The following C4orf50 variants were observed in gnomAD, a reference collection of about 807,000 sequenced individuals.
The protein encoded by C4orf50 is chromosome 4 open reading frame 50, also known as uncharacterized protein C4orf50.
A neutral mutation model predicts 77.2 loss-of-function variants in C4orf50; 80 were observed. The observed-to-expected ratio is 1.04, with a 90% CI of 0.87 to 1.25. The LOEUF is 1.25. Among genes scored for constraint, C4orf50 ranks in the 50% most tolerant of loss-of-function variants. The pLI is 0.00. For missense variants in C4orf50, 1,257 were observed against 1,152.9 expected (o/e 1.09, Z -1.31); for synonymous variants, 532 against 465.3 (o/e 1.14, Z -1.84).
chr4:5,983,327 C>CT (rs1560581534), intron 28 of C4orf50, among the ~76,000 whole-genome samples: 1 of 152,222 alleles, frequency 6.6e-6, no homozygotes, highest in African/African-American at 2.4e-5. Flanking sequence ...TGCAACCTGC[C>CT]TTGTGACAGC....
chr4:5,971,396 C>T (rs1355894809), intron 31 of C4orf50, among the ~76,000 whole-genome samples: 1 of 152,194 alleles, frequency 6.6e-6, no homozygotes, highest in East Asian at 1.9e-4. Flanking sequence ...CTGTGGCCTC[C>T]CATCAGCCCA....
chr4:5,980,140 G>A lies in C4orf50; in HGVS notation c.3864+34C>T, dbSNP rs576929619. ...AACGCCCCGGGGTGTGGGAGCCCTGGCTGACAAGAGGGGAAAGAAAGCACT... is the reference window on the plus strand; with the variant it reads ...AACGCCCCGGGGTGTGGGAGCCCTGACTGACAAGAGGGGAAAGAAAGCACT... On this transcript the variant is annotated intron_variant, in intron 29 of 33. Transcript: ENST00000531445. 15 of 1,534,454 alleles carry A rather than the reference G, an allele frequency of 9.8e-6. No individual in the cohort carries two copies. The South Asian group carries it at 1.4e-4, about 14-fold the overall frequency.
Position 6,015,702 on chromosome 4 carries a change from C to A in C4orf50, c.287+2443G>T, listed in dbSNP as rs1289743557. On this transcript the variant is annotated intron_variant, in intron 23 of 33. Transcript: ENST00000531445. This position sits in a 1 kb window ranked among gnomAD's most constrained non-coding sequence, Gnocchi z 4.4. ...TAGTCGAGCTGTCAGTGGAGCCAAGCCCTCTCCGAGGCTGAAGGGGAAATC... is the reference window on the plus strand; with the variant it reads ...TAGTCGAGCTGTCAGTGGAGCCAAGACCTCTCCGAGGCTGAAGGGGAAATC... Among the ~76,000 whole-genome samples the A allele has an allele frequency of 1.3e-5, 2 of 152,098 alleles. No individual in the cohort carries two copies. The highest frequency in any genetic ancestry group is 2.9e-5 in the Non-Finnish European group (2 of 68,032).
chr4:5,968,570 G>A (rs1184854895), intron 31 of C4orf50, among the ~76,000 whole-genome samples: 2 of 152,188 alleles, frequency 1.3e-5, no homozygotes, highest in East Asian at 3.8e-4. Flanking sequence ...CGGTGCCTGT[G>A]TCCACTCAGG....
chr4:5,901,113 T>C lies in C4orf50; in HGVS notation c.*2475-2925A>G, dbSNP rs1716324581. 6.6e-6 allele frequency: 1 copy of C among 152,264 alleles called. No homozygotes were observed. The highest frequency in any genetic ancestry group is 6.5e-5 in the Admixed American group (1 of 15,284). The allele number at this position is 152,264 out of a possible 1,614,324, so 9.4% of individuals were successfully genotyped here. A position where few individuals can be genotyped will look rare whatever the true frequency, so the allele number is the denominator to read the frequency against. The stretch of plus-strand genomic sequence containing the variant: ...CGTTGCTATGCCAACTAGCTGGCTG[T>C]TGCTAATCATAATCTATGAATGTGC... On this transcript the variant is annotated intron_variant, in intron 7 of 7. Transcript: ENST00000324058. This position sits in a 1 kb window ranked among gnomAD's most constrained non-coding sequence, Gnocchi z 4.4.
At chr4:5,948,952 C>T (rs896991417) in intron 7 of C4orf50, among the ~76,000 whole-genome samples, 1 of 134,140 alleles carries the variant, frequency 7.5e-6, no homozygotes, top group Non-Finnish European at 1.6e-5. Flanking sequence ...CAGAGTGAGA[C>T]TCCATCTCAA....
intron 7 of C4orf50, among the ~76,000 whole-genome samples, chr4:5,909,354 ATTGT>A (rs71640228): frequency 4.5e-4 from 69 of 152,112 alleles, no homozygotes; most frequent in Non-Finnish European, 7.1e-4. Context: ...TTAAAATCAG[ATTGT>A]TTGTTTTTCT....
At chr4:5,967,650 A>G (rs1560570431) in intron 31 of C4orf50, among the ~76,000 whole-genome samples, 188 bp from the exon 10 acceptor site, 1 of 74,088 alleles carries the variant, frequency 1.3e-5, no homozygotes, top group Non-Finnish European at 2.8e-5. Flanking sequence ...TCAAAGGAAA[A>G]CGGAATTGGT....
chr4:5,959,487 G>A lies in C4orf50; in HGVS notation c.4415C>T (p.Ala1472Val), dbSNP rs1377941823. 1.9e-6 allele frequency: 3 copies of A among 1,614,230 alleles called. No individual in the cohort carries two copies. In the South Asian group the frequency reaches 3.3e-5, roughly 18 times the overall value. ...TGCTGGGCTCAGGAGCTCAGAGGGT[G>A]CTGGGACGTTATCGACTTGGAGGGC... is the stretch of plus-strand genomic sequence containing the variant. Residue 1472 changes from alanine (A) to valine (V), a missense_variant, in exon 34 of 34, where the codon GCA (alanine) becomes GTA (valine). Ala to Val is a moderately conservative substitution (Grantham distance 64). Coordinates refer to ENST00000531445, the Ensembl canonical transcript of C4orf50.
exon 28 of C4orf50, chr4:5,988,368 G>A: frequency 1.2e-6 from 2 of 1,614,062 alleles, no homozygotes; most frequent in South Asian, 2.2e-5. Flanking sequence ...TGCTCAGGGA[G>A]CTCAGAGCTT....
At chr4:5,962,054 GA>G (rs1412837943) in intron 33 of C4orf50, among the ~76,000 whole-genome samples, 1 of 152,198 alleles carries the variant, frequency 6.6e-6, no homozygotes, top group Admixed American at 6.5e-5. Context: ...AAATGCTCAT[GA>G]CGACTGGACA....
At chr4:5,966,488 T>C (rs1447851601) in intron 32 of C4orf50, among the ~76,000 whole-genome samples, 1 of 150,314 alleles carries the variant, frequency 6.7e-6, no homozygotes, top group Non-Finnish European at 1.5e-5. Context: ...AATAAATAAA[T>C]AAATAATAAA....
intron 28 of C4orf50, among the ~76,000 whole-genome samples, chr4:5,987,682 G>T (rs1368647499): frequency 6.6e-6 from 1 of 151,660 alleles, no homozygotes; most frequent in Non-Finnish European, 1.5e-5. Flanking sequence ...AGAGAGGGTG[G>T]AGCGAGATGG....
In C4orf50 at chr4:5,901,653, C is replaced by T. The variant is rs976143522; in HGVS notation, c.*2475-3465G>A. The T allele has an allele frequency of 1.3e-4, 20 of 152,224 alleles. No homozygotes were observed. The highest frequency in any genetic ancestry group is 4.8e-4 in the African/African-American group (20 of 41,444). The allele number at this position is 152,224 out of a possible 1,614,324, so 9.4% of individuals were successfully genotyped here. ...CTAAGAGGCAAGGCTCTCCGGGGCC[C>T]ACACCTGGCCCACAGGGTGTCCTGT... On this transcript the variant is annotated intron_variant, in intron 7 of 7. Transcript: ENST00000324058. This position sits in a 1 kb window ranked among gnomAD's most constrained non-coding sequence, Gnocchi z 4.4.
At chr4:5,974,119 C>A (rs911797704) in intron 30 of C4orf50, among the ~76,000 whole-genome samples, 1 of 152,196 alleles carries the variant, frequency 6.6e-6, no homozygotes, top group East Asian at 1.9e-4. Context: ...TTGGGCCCCA[C>A]CACGGACCAG....
chr4:5,925,557 G>A (rs888276419), intron 7 of C4orf50, among the ~76,000 whole-genome samples: 4 of 152,358 alleles, frequency 2.6e-5, no homozygotes, highest in Non-Finnish European at 4.4e-5. Flanking sequence ...GCAGAGAGGA[G>A]GATGGCTGTG....
chr4:5,945,305 G>A (rs566737526), intron 7 of C4orf50, among the ~76,000 whole-genome samples: 1 of 152,316 alleles, frequency 6.6e-6, no homozygotes, highest in South Asian at 2.1e-4. Context: ...TCACGATTCA[G>A]CTTGGTACCC....
At chr4:5,911,082 G>T (rs1293950067) in intron 7 of C4orf50, among the ~76,000 whole-genome samples, 5 of 151,618 alleles carry the variant, frequency 3.3e-5, no homozygotes, top group Admixed American at 3.3e-4. Flanking sequence ...ATTGTTTTTT[G>T]TATTTTTTAC....
At position 5,979,364 on chromosome 4, in the gene C4orf50, G is replaced by T. The variant is rs186577957; in HGVS notation, c.3864+810C>A. 1.7e-3 allele frequency among the ~76,000 whole-genome samples: 264 copies of T among 152,272 alleles called. 1 individual carries two copies. Among genetic ancestry groups the T allele is most frequent in the Non-Finnish European group, 1.8e-3 (122 of 68,014 alleles). ...ATGACATAATACACACGATTTTAAA[G>T]GAATGAGTTCACTTTGCATGTGTTG... On this transcript the variant is annotated intron_variant, in intron 29 of 33. Transcript: ENST00000531445.
Sources: allele counts gnomAD v4.1 joint callset (sites outside exome capture counted in the v4.1 genomes callset), GRCh38; gene constraint gnomAD v4.1.1; non-coding constraint Gnocchi (gnomAD v3.1); transcripts MANE v1.5; gene names NCBI Gene and HGNC (gene_info 2026-07-23, HGNC 2026-07-21).